MGAT4C: variants seen among roughly 807,000 people sequenced by gnomAD.
The protein encoded by MGAT4C is alpha-1,3-mannosyl-glycoprotein 4-beta-N-acetylglucosaminyltransferase C.
MGAT4C carries 19 observed loss-of-function variants against 40.1 expected under a neutral mutation model. The observed-to-expected ratio is 0.47, with a 90% CI of 0.33 to 0.70. MGAT4C has a LOEUF of 0.70. Ranked by LOEUF, MGAT4C falls within the 30% of genes least tolerant of loss-of-function variation. MGAT4C has a pLI of 0.02. For synonymous variants in MGAT4C, 181 were observed against 187.1 expected, an observed-to-expected ratio of 0.97 and a Z score of 0.27; for missense variants, 491 against 563.2, an observed-to-expected ratio of 0.87 and a Z score of 1.30.
chr12:86,567,372 C>A (rs1158444636), intron 2 of MGAT4C, among the ~76,000 whole-genome samples: 1 of 152,056 alleles, frequency 6.6e-6, no homozygotes, highest in Admixed American at 6.5e-5. Context: ...TGCCACCTGG[C>A]CACTTTGGGC....
chr12:86,360,062 A>T (rs9634176), intron 3 of MGAT4C, among the ~76,000 whole-genome samples: 111,536 of 152,130 alleles, frequency 0.73, 41,100 homozygotes, highest in East Asian at 0.9. Flanking sequence ...ATATCCCTGA[A>T]GAACATTGAT....
rs529861764 is a variant in MGAT4C at position 85,963,384 on chromosome 12, T to C, written c.*15905A>G. The stretch of plus-strand genomic sequence containing the variant: ...ATTTTGGGGTCCTGAAACTTTTTGA[T>C]AATGATGAAAGCACAGAGATGCTAT... On this transcript the variant is annotated 3_prime_UTR_variant, in exon 5 of 5. Coordinates refer to ENST00000611864, the MANE Select transcript of MGAT4C (RefSeq NM_001351288.2). 4.4e-4 allele frequency: 67 copies of C among 152,040 alleles called. No individual in the cohort carries two copies. Among genetic ancestry groups the C allele is most frequent in the African/African-American group, 1.6e-3 (65 of 41,552 alleles). The allele number at this position is 152,040 out of a possible 1,614,324, so 9.4% of individuals were successfully genotyped here. A position where few individuals can be genotyped will look rare whatever the true frequency, so the allele number is the denominator to read the frequency against.
intron 4 of MGAT4C, among the ~76,000 whole-genome samples, chr12:85,982,380 G>A (rs919505684): frequency 2.0e-5 from 3 of 152,032 alleles, no homozygotes; most frequent in Non-Finnish European, 4.4e-5. Flanking sequence ...GTAGAGAAGG[G>A]GTTTCACCAT....
chr12:85,971,496 A>T lies in MGAT4C; in HGVS notation c.*7793T>A, dbSNP rs902386739. 1.3e-5 allele frequency: 2 copies of T among 151,314 alleles called. No homozygotes were observed. Among genetic ancestry groups the T allele is most frequent in the African/African-American group, 4.8e-5 (2 of 41,380 alleles). The allele number at this position is 151,314 out of a possible 1,614,324, so 9.4% of individuals were successfully genotyped here. A position where few individuals can be genotyped will look rare whatever the true frequency, so the allele number is the denominator to read the frequency against. On this transcript the variant is annotated 3_prime_UTR_variant, in exon 5 of 5. Transcript: ENST00000611864. ...AAATCAATTGCCCAAATCAATTCAA[A>T]CATCTCATTGTAGTTCATCCCATGG... is the stretch of plus-strand genomic sequence containing the variant.
intron 2 of MGAT4C, among the ~76,000 whole-genome samples, chr12:86,012,786 C>A (rs913536285): frequency 7.7e-6 from 1 of 129,588 alleles, no homozygotes. Context: ...ACAACCACCA[C>A]CACCACCACC....
At chr12:86,820,378 TACA>T (rs1952684754) in intron 1 of MGAT4C, among the ~76,000 whole-genome samples, 1 of 150,824 alleles carries the variant, frequency 6.6e-6, no homozygotes, top group Admixed American at 6.6e-5. Context: ...ATAACATTTC[TACA>T]ACAAGGAAAG....
rs1016167209 is a variant in MGAT4C at position 85,972,874 on chromosome 12, T to A, written c.*6415A>T. The A allele has an allele frequency of 4.6e-5, 7 of 150,778 alleles. No individual in the cohort carries two copies. The highest frequency in any genetic ancestry group is 1.5e-4 in the African/African-American group (6 of 41,276). 9.3% of individuals were successfully genotyped at this position (150,778 alleles called of 1,614,324 possible). ...TACATATGTTTAAAAGTAGGGAAAA[T>A]TTTATCAATTATTAAAGATGGAAAA... is the stretch of plus-strand genomic sequence containing the variant. On this transcript the variant is annotated 3_prime_UTR_variant, in exon 5 of 5. Transcript: ENST00000611864.
At position 86,687,856 on chromosome 12, in the gene MGAT4C, G is replaced by T. The variant is rs192610917; in HGVS notation, c.-229+39353C>A. On this transcript the variant is annotated intron_variant, in intron 2 of 7. Coordinates refer to the MGAT4C transcript ENST00000548651. ...TGTAGATTTCTATTAGGTCTGTTTG[G>T]TCCAGTGCTGAGTTCAAATCCTGAA... 2.0e-5 allele frequency among the ~76,000 whole-genome samples: 3 copies of T among 152,184 alleles called. No homozygotes were observed. In the East Asian group the frequency reaches 5.8e-4, roughly 29 times the overall value.
rs375216768 is a variant in MGAT4C, at chr12:86,806,017, CT to C, written c.-262+32648del. On this transcript the variant is annotated intron_variant, in intron 1 of 7. Transcript: ENST00000548651. ...AATTTATTGGCCACTTGTATCTCTT[CT>C]TTTGAGAAGTGTCTTGAACAACTTT... Among the ~76,000 whole-genome samples, 313 of 151,684 alleles carry C rather than the reference CT, an allele frequency of 2.1e-3. 1 individual carries two copies. Among genetic ancestry groups the C allele is most frequent in the African/African-American group, 7.2e-3 (300 of 41,436 alleles).
intron 4 of MGAT4C, among the ~76,000 whole-genome samples, chr12:86,300,659 A>G (rs964233232): frequency 5.3e-5 from 8 of 152,188 alleles, no homozygotes; most frequent in Admixed American, 2.0e-4. Flanking sequence ...GTTAAAAAGC[A>G]TTAGCTTGCA....
At chr12:86,612,529 C>A (rs1435926099) in intron 2 of MGAT4C, among the ~76,000 whole-genome samples, 1 of 151,998 alleles carries the variant, frequency 6.6e-6, no homozygotes, top group Admixed American at 6.6e-5. Context: ...GCAAGCAGAT[C>A]ATCTGAAGTC....
chr12:86,412,149 T>C (rs956037045), intron 3 of MGAT4C, among the ~76,000 whole-genome samples: 6 of 152,152 alleles, frequency 3.9e-5, no homozygotes, highest in African/African-American at 1.4e-4. Flanking sequence ...ATGGAGAACC[T>C]CTACCAGGGC....
intron 3 of MGAT4C, among the ~76,000 whole-genome samples, chr12:86,386,727 T>G (rs1381853978): frequency 6.6e-6 from 1 of 152,208 alleles, no homozygotes; most frequent in Non-Finnish European, 1.5e-5. Context: ...AAAAAAATAT[T>G]ATGGAATAAG....
intron 1 of MGAT4C, among the ~76,000 whole-genome samples, chr12:86,737,428 C>T (rs1951004618): frequency 6.7e-6 from 1 of 148,790 alleles, no homozygotes; most frequent in African/African-American, 2.5e-5. Context: ...TACTTTTCCT[C>T]AGTCTACTTT....
At chr12:86,384,493 A>G (rs1414634764) in intron 3 of MGAT4C, among the ~76,000 whole-genome samples, 7 of 152,212 alleles carry the variant, frequency 4.6e-5, no homozygotes, top group Non-Finnish European at 5.9e-5. Flanking sequence ...CCAGTAAGGC[A>G]GGGCTTATCA....
intron 3 of MGAT4C, among the ~76,000 whole-genome samples, chr12:86,402,166 C>T (rs71452138): frequency 0.017 from 2,513 of 151,922 alleles, 25 homozygotes; most frequent in Non-Finnish European, 0.025. Context: ...AAAAATAGGC[C>T]GGGCACAGTG....
chr12:86,348,817 T>C (rs1955096314), intron 3 of MGAT4C, among the ~76,000 whole-genome samples: 1 of 152,150 alleles, frequency 6.6e-6, no homozygotes, highest in Admixed American at 6.6e-5. Flanking sequence ...CTTTTATCAT[T>C]CTTTTTGGTA....
At chr12:86,218,807 A>C (rs1247354193) in intron 1 of MGAT4C, among the ~76,000 whole-genome samples, 1 of 152,208 alleles carries the variant, frequency 6.6e-6, no homozygotes, top group African/African-American at 2.4e-5. Flanking sequence ...GACTGATCCA[A>C]GTCAAAATGA....
chr12:86,439,081 C>T (rs1365555763), intron 2 of MGAT4C, among the ~76,000 whole-genome samples: 1 of 151,838 alleles, frequency 6.6e-6, no homozygotes, highest in African/African-American at 2.4e-5. Context: ...GGCAGAAAGT[C>T]AACAAAGAAA....
Sources: allele counts gnomAD v4.1 joint callset (sites outside exome capture counted in the v4.1 genomes callset), GRCh38; gene constraint gnomAD v4.1.1; transcripts MANE v1.5; gene names NCBI Gene and HGNC (gene_info 2026-07-23, HGNC 2026-07-21).